Variants in SASH1 observed in about 807,000 individuals in gnomAD.
SASH1 encodes the protein SAM and SH3 domain containing 1.
SASH1 carries 44 observed loss-of-function variants against 125.2 expected under a neutral mutation model. The observed-to-expected ratio is 0.35, with a 90% CI of 0.28 to 0.45. The LOEUF is 0.45. Among genes scored for constraint, SASH1 ranks in the 20% least tolerant of loss-of-function variants. The pLI is 1.00. For synonymous variants in SASH1, 639 were observed against 649.1 expected (o/e 0.98, Z 0.24); for missense variants, 1,426 against 1,614.5 (o/e 0.88, Z 2.00).
chr6:148,542,581 G>T (rs1370393334), intron 17 of SASH1, among the ~76,000 whole-genome samples: 1 of 152,126 alleles, frequency 6.6e-6, no homozygotes, highest in African/African-American at 2.4e-5. Context: ...GAGAGACGGG[G>T]TTTCACCGTG....
intron 2 of SASH1, among the ~76,000 whole-genome samples, chr6:148,438,219 G>A (rs1346149214): frequency 3.3e-5 from 5 of 152,150 alleles, no homozygotes; most frequent in Non-Finnish European, 7.3e-5. Context: ...TGAATAGGAA[G>A]GAAGATTTGG....
the SASH1 span, among the ~76,000 whole-genome samples, chr6:148,213,020 A>G: frequency 6.6e-6 from 1 of 152,150 alleles, no homozygotes; most frequent in Non-Finnish European, 1.5e-5. Context: ...CTCCTTTTAC[A>G]TTCTCCTGCC....
chr6:148,265,235 A>G, the SASH1 span, among the ~76,000 whole-genome samples: 38 of 152,050 alleles, frequency 2.5e-4, no homozygotes, highest in African/African-American at 8.9e-4. Context: ...GCTTGAGCCC[A>G]GCAGTTCAAG....
intron 1 of SASH1, among the ~76,000 whole-genome samples, chr6:148,300,734 C>T (rs933916032): frequency 3.3e-5 from 5 of 152,028 alleles, no homozygotes; most frequent in Non-Finnish European, 7.4e-5. Context: ...CTGCCTGCCT[C>T]GGCCTCCCAA....
intron 2 of SASH1, among the ~76,000 whole-genome samples, chr6:148,398,101 G>A (rs1784030493): frequency 6.6e-6 from 1 of 152,298 alleles, no homozygotes; most frequent in Admixed American, 6.5e-5. Flanking sequence ...GGCCAAAAAT[G>A]GAGGGAGGGG....
intron 6 of SASH1, among the ~76,000 whole-genome samples, chr6:148,472,717 A>G (rs1162905829): frequency 6.6e-6 from 1 of 152,202 alleles, no homozygotes; most frequent in Admixed American, 6.5e-5. Flanking sequence ...GGATTGATTG[A>G]TTACAAAATG....
chr6:148,326,385 T>A (rs1396511700), intron 1 of SASH1, among the ~76,000 whole-genome samples: 11 of 82,930 alleles, frequency 1.3e-4, no homozygotes, highest in South Asian at 5.3e-4. Flanking sequence ...CATTCTTTTC[T>A]TTTCTTTTCT....
At chr6:148,234,686 G>A in the SASH1 span, among the ~76,000 whole-genome samples, 17 of 152,060 alleles carry the variant, frequency 1.1e-4, no homozygotes, top group East Asian at 3.9e-4. Flanking sequence ...AATTAACCAG[G>A]CGTGGTGGCA....
the SASH1 span, among the ~76,000 whole-genome samples, chr6:148,247,984 G>T: frequency 6.6e-6 from 1 of 152,064 alleles, no homozygotes; most frequent in Non-Finnish European, 1.5e-5. Flanking sequence ...TTAGACATTG[G>T]CATATATTTA....
rs576222741 is a variant in SASH1 at position 148,295,203 on chromosome 6, A to G, written n.74+22826A>G. Among the ~76,000 whole-genome samples the G allele has an allele frequency of 7.9e-5, 12 of 152,260 alleles. 1 individual carries two copies. The South Asian group carries it at 2.5e-3, about 32-fold the overall frequency. On this transcript the variant is annotated intron_variant and non_coding_transcript_variant, in intron 1 of 3. Coordinates refer to the SASH1 transcript ENST00000367469. ...CCGGCATTCCTAGCTACCCACTTTT[A>G]GGTAGTTTAAATGTAGCTTTGGGGG...
At chr6:148,341,126 T>C (rs1781307737), upstream of SASH1, among the ~76,000 whole-genome samples, 1 of 151,976 alleles carries the variant, frequency 6.6e-6, no homozygotes, top group Non-Finnish European at 1.5e-5. Context: ...AGCAGGACCT[T>C]GTCTCTAAAA....
chr6:148,413,455 C>T (rs182380015), intron 2 of SASH1, among the ~76,000 whole-genome samples: 1 of 151,884 alleles, frequency 6.6e-6, no homozygotes, highest in Admixed American at 6.6e-5. Flanking sequence ...TGGCTGTTAA[C>T]AGGGAGAAAG....
At chr6:148,369,528 G>C (rs1782625425) in intron 1 of SASH1, among the ~76,000 whole-genome samples, 1 of 152,012 alleles carries the variant, frequency 6.6e-6, no homozygotes, top group Admixed American at 6.6e-5. Flanking sequence ...GTCTTTATTT[G>C]GCAGCAATGC....
At chr6:148,272,188 C>T (rs539366049), upstream of SASH1, 14 of 255,368 alleles carry the variant, frequency 5.5e-5, no homozygotes, top group East Asian at 9.4e-5. Context: ...GTCCTGAAGG[C>T]GATTTGTTTT....
chr6:148,263,924 T>C, the SASH1 span, among the ~76,000 whole-genome samples: 1 of 152,262 alleles, frequency 6.6e-6, no homozygotes, highest in East Asian at 1.9e-4. Flanking sequence ...TTTATGTATA[T>C]TGGGGATGCT....
rs756166204 is a variant in SASH1 at position 148,544,650 on chromosome 6, G to C, written c.3180G>C (p.Trp1060Cys). ...CACCAAGCACAAGGCCGCCCCCCTG[G>C]CTCTCAGAGCTCCCCGAGAACACAA... ...GSPPSTRPPP[W>C]LSELPENTSL... The change falls in exon 18 of 20, where the codon TGG (tryptophan) becomes TGC (cysteine). Residue 1060 changes from tryptophan (W) to cysteine (C), a missense_variant. Trp to Cys is a radical substitution (Grantham distance 215). Transcript: ENST00000367467. The surrounding 1 kb of genome is among the most constrained non-coding windows in gnomAD (Gnocchi z 6.4). 5 of 1,613,248 alleles carry C rather than the reference G, an allele frequency of 3.1e-6. No individual in the cohort carries two copies. In the Admixed American group the frequency reaches 8.3e-5, roughly 27 times the overall value.
intron 9 of SASH1, among the ~76,000 whole-genome samples, chr6:148,516,325 C>G (rs746051454): frequency 6.6e-6 from 1 of 152,098 alleles, no homozygotes; most frequent in Non-Finnish European, 1.5e-5. Flanking sequence ...TAGCTCAAGG[C>G]GCCTGCTTTG....
At chr6:148,377,196 AAAAAAAAAAC>A (rs1413710649) in intron 1 of SASH1, among the ~76,000 whole-genome samples, 2 of 125,286 alleles carry the variant, frequency 1.6e-5, no homozygotes, top group African/African-American at 3.1e-5. Context: ...AAAAAAAAAC[AAAAAAAAAAC>A]AAAACAAACA....
chr6:148,525,461 C>T (rs578227663), intron 11 of SASH1, 96 bp downstream of exon 11: 17 of 1,017,694 alleles, frequency 1.7e-5, no homozygotes, highest in Admixed American at 5.2e-5. Flanking sequence ...ATACTGGGTA[C>T]CGTTTTCCTT....
Sources: gnomAD v4.1 joint callset for allele counts (sites outside exome capture counted in the v4.1 genomes callset) on GRCh38, gnomAD v4.1.1 for gene constraint, Gnocchi (gnomAD v3.1) non-coding constraint, MANE v1.5 for transcripts, NCBI Gene and HGNC (gene_info 2026-07-23, HGNC 2026-07-21) for gene names.